Variants in GRM7 observed in about 807,000 individuals in gnomAD.
GRM7 encodes the protein metabotropic glutamate receptor 7.
A neutral mutation model predicts 84.5 loss-of-function variants in GRM7; 35 were observed. That is an observed-to-expected ratio of 0.41 (90% CI 0.32 to 0.55). The LOEUF (loss-of-function observed/expected upper bound fraction) is 0.55. Among genes scored for constraint, GRM7 ranks in the 20% least tolerant of loss-of-function variants. The probability of loss-of-function intolerance (pLI) is 0.19; values close to 1 mark genes in which losing one functional copy is unlikely to be tolerated. For synonymous variants in GRM7, 487 were observed against 455.1 expected (o/e 1.07, Z -0.89); for missense variants, 1,003 against 1,194.6 (o/e 0.84, Z 2.36).
intron 4 of GRM7, among the ~76,000 whole-genome samples, chr3:7,352,061 A>ACAC (rs1168402574): frequency 3.1e-4 from 24 of 76,444 alleles, no homozygotes; most frequent in African/African-American, 8.5e-4. Flanking sequence ...CACACACCAC[A>ACAC]CACACACACA....
chr3:7,297,016 T>C (rs1009251229), intron 2 of GRM7, among the ~76,000 whole-genome samples: 1 of 152,068 alleles, frequency 6.6e-6, no homozygotes, highest in Non-Finnish European at 1.5e-5. Flanking sequence ...GATTTTTGCT[T>C]TACCTTTTAT....
intron 1 of GRM7, among the ~76,000 whole-genome samples, chr3:7,033,976 T>A (rs556005149): frequency 6.6e-6 from 1 of 152,332 alleles, no homozygotes; most frequent in East Asian, 1.9e-4. Flanking sequence ...GAAGTGCAAT[T>A]GCCTGCAGTT....
chr3:7,604,889 T>C (rs1273730463), intron 8 of GRM7, among the ~76,000 whole-genome samples: 1 of 152,180 alleles, frequency 6.6e-6, no homozygotes, highest in Admixed American at 6.5e-5. Flanking sequence ...GCCTACCAAA[T>C]TGTTTTATGA....
At chr3:6,912,938 A>T (rs191560392) in intron 1 of GRM7, among the ~76,000 whole-genome samples, 1 of 152,312 alleles carries the variant, frequency 6.6e-6, no homozygotes, top group Admixed American at 6.5e-5. Flanking sequence ...AATTTAAAAA[A>T]CAATTACATG....
chr3:7,098,415 T>C (rs150598429), intron 1 of GRM7, among the ~76,000 whole-genome samples: 604 of 152,100 alleles, frequency 4.0e-3, no homozygotes, highest in Middle Eastern at 0.01. Flanking sequence ...TAGTGACTCA[T>C]AGGGTCACTT....
At chr3:7,500,892 T>A (rs1020535251) in intron 7 of GRM7, among the ~76,000 whole-genome samples, 3 of 152,214 alleles carry the variant, frequency 2.0e-5, no homozygotes, top group Admixed American at 6.5e-5. Flanking sequence ...TGCAGCCTAC[T>A]TCCGAATCCA....
At chr3:7,471,671 T>C (rs1343156991) in intron 7 of GRM7, among the ~76,000 whole-genome samples, 2 of 152,178 alleles carry the variant, frequency 1.3e-5, no homozygotes, top group African/African-American at 4.8e-5. Context: ...TCTCTCTACT[T>C]TGAGGTAGGT....
At chr3:7,404,831 C>G (rs553218394) in intron 4 of GRM7, among the ~76,000 whole-genome samples, 1 of 151,984 alleles carries the variant, frequency 6.6e-6, no homozygotes, top group South Asian at 2.1e-4. Flanking sequence ...AAGATTAAGC[C>G]AAAGACACTC....
intron 6 of GRM7, among the ~76,000 whole-genome samples, chr3:7,454,343 T>G (rs1441308956): frequency 6.6e-6 from 1 of 152,148 alleles, no homozygotes; most frequent in Non-Finnish European, 1.5e-5. Flanking sequence ...TCTGTTTGAA[T>G]AGTCTCAACT....
chr3:7,441,221 C>A (rs1410329960), intron 5 of GRM7, among the ~76,000 whole-genome samples: 1 of 152,096 alleles, frequency 6.6e-6, no homozygotes, highest in African/African-American at 2.4e-5. Context: ...TTTTGATTTA[C>A]ATTTCTCTAA....
chr3:7,246,658 C>A (rs73809028), intron 2 of GRM7, among the ~76,000 whole-genome samples: 4,003 of 152,168 alleles, frequency 0.026, 163 homozygotes, highest in African/African-American at 0.091. Flanking sequence ...CCATATGGGC[C>A]TTGTGTGTCT....
At chr3:7,157,804 G>A (rs1178004657) in intron 2 of GRM7, among the ~76,000 whole-genome samples, 1 of 151,532 alleles carries the variant, frequency 6.6e-6, no homozygotes, top group Non-Finnish European at 1.5e-5. Context: ...TTGAAATGTA[G>A]AAGCGGCAGA....
chr3:7,416,217 C>T (rs565016094), intron 5 of GRM7, among the ~76,000 whole-genome samples: 11 of 152,092 alleles, frequency 7.2e-5, no homozygotes, highest in East Asian at 3.9e-4. Flanking sequence ...TTAGGATGTA[C>T]GTGGGACTTG....
chr3:7,308,407 C>T (rs1304584769), intron 4 of GRM7, among the ~76,000 whole-genome samples: 1 of 152,124 alleles, frequency 6.6e-6, no homozygotes, highest in Non-Finnish European at 1.5e-5. Flanking sequence ...CTAGAAATAT[C>T]CCTATTATGC....
In GRM7 at chr3:7,313,117, T is replaced by C. The variant is rs549465476; in HGVS notation, c.1033+6465T>C. ...CTAGTTTTTGTATTTTTAGTAGAGA[T>C]GGGGTTTCACCATGTTGGTCAGGCT... On this transcript the variant is annotated intron_variant, in intron 4 of 9. Transcript: ENST00000357716. Among the ~76,000 whole-genome samples the C allele has an allele frequency of 5.4e-3, 824 of 151,778 alleles. 7 individuals are homozygous for C. The highest frequency in any genetic ancestry group is 9.5e-3 in the Non-Finnish European group (644 of 67,894).
At chr3:7,078,224 G>A (rs1698159911) in intron 1 of GRM7, among the ~76,000 whole-genome samples, 1 of 152,166 alleles carries the variant, frequency 6.6e-6, no homozygotes, top group African/African-American at 2.4e-5. Flanking sequence ...TTTCCTCAGT[G>A]ACAGCCTAGA....
intron 4 of GRM7, among the ~76,000 whole-genome samples, chr3:7,307,223 C>A (rs931580107): frequency 3.9e-5 from 6 of 152,164 alleles, no homozygotes; most frequent in Non-Finnish European, 7.3e-5. Context: ...CTTGCTACTG[C>A]AAAGATATTT....
chr3:7,555,283 A>T (rs534817287), intron 7 of GRM7, among the ~76,000 whole-genome samples: 1 of 152,270 alleles, frequency 6.6e-6, no homozygotes, highest in Admixed American at 6.5e-5. Context: ...AAGGAATTAG[A>T]ATTTTAAAAT....
At chr3:7,339,805 G>A (rs1701570069) in intron 4 of GRM7, among the ~76,000 whole-genome samples, 1 of 152,066 alleles carries the variant, frequency 6.6e-6, no homozygotes, top group Admixed American at 6.6e-5. Flanking sequence ...CTAAATGGAT[G>A]GTTGAATTGT....
Sources: gnomAD v4.1 joint callset for allele counts (sites outside exome capture counted in the v4.1 genomes callset) on GRCh38, gnomAD v4.1.1 for gene constraint, MANE v1.5 for transcripts, NCBI Gene and HGNC (gene_info 2026-07-23, HGNC 2026-07-21) for gene names.